The following AARSD1 variants were observed in gnomAD, a reference collection of about 807,000 sequenced individuals.
AARSD1 encodes alanyl-tRNA synthetase domain containing 1.
A neutral mutation model predicts 48.7 loss-of-function variants in AARSD1; 44 were observed. That is an observed-to-expected ratio of 0.90 (90% CI 0.71 to 1.16). The LOEUF (loss-of-function observed/expected upper bound fraction) is 1.16. Among genes scored for constraint, AARSD1 ranks in the 50% most tolerant of loss-of-function variants. The probability of loss-of-function intolerance (pLI) is 0.00; values close to 1 mark genes in which losing one functional copy is unlikely to be tolerated. For synonymous variants in AARSD1, 189 were observed against 194.9 expected (o/e 0.97, Z 0.25); for missense variants, 511 against 523.1 (o/e 0.98, Z 0.23).
intron 10 of AARSD1, 200 bp from the exon 11 acceptor site, chr17:42,952,094 A>G (rs2049487727): frequency 5.2e-6 from 3 of 579,364 alleles, no homozygotes; most frequent in Non-Finnish European, 9.1e-6. Context: ...ATGGGAACTT[A>G]GGTGAAACAT....
rs1262418451 is a variant in AARSD1, at chr17:42,950,671, C to A, written c.1161G>T (p.Lys387Asn). The A allele has an allele frequency of 6.2e-7, 1 of 1,613,888 alleles. No homozygotes were observed. Among genetic ancestry groups the A allele is most frequent in the African/African-American group, 1.3e-5 (1 of 74,880 alleles). ...CCATCCGCCGGCTCATCTTGGTGGC[C>A]TTGCCCTGAAAACGGCCTTTCTTCC... ...GAGKKGRFQG[K>N]ATKMSRRMEA... is the part of the protein sequence containing the mutation. The change falls in exon 12 of 12, where the codon AAG (lysine) becomes AAT (asparagine). Residue 387 changes from lysine (K) to asparagine (N), a missense_variant. Transcript: ENST00000427569.
chr17:42,956,620 C>T (rs1266926554), intron 4 of AARSD1, 60 bp from the exon 5 acceptor site: 5 of 1,317,212 alleles, frequency 3.8e-6, no homozygotes, highest in Non-Finnish European at 4.0e-6. Flanking sequence ...AAGCTGAAAG[C>T]TTTTCCTCTA....
At chr17:42,951,944 C>T (rs754338528) in intron 10 of AARSD1, 50 bp from the exon 11 acceptor site, 1 of 1,587,424 alleles carries the variant, frequency 6.3e-7, no homozygotes, top group Non-Finnish European at 8.6e-7. Context: ...GATGTAGAGT[C>T]AACCCCCCAA....
At position 42,961,292 on chromosome 17, in the gene AARSD1, T is replaced by A; in HGVS notation, c.231A>T (p.Glu77Asp). The part of the protein sequence containing the change: ...ISVLRVTRRG[E>D]QADHFTQTPL... ...GTGTCTGGGTGAAATGATCAGCCTG[T>A]TCCCCACGGCGAGTCACTCTCAGCA... The change falls in exon 3 of 12, where the codon GAA becomes GAT. Residue 77 changes from glutamate (E) to aspartate (D), a missense_variant. Coordinates refer to ENST00000427569, the MANE Select transcript of AARSD1 (RefSeq NM_001261434.2). 6.2e-7 allele frequency: 1 copy of A among 1,614,120 alleles called. No individual in the cohort carries two copies. The highest frequency in any genetic ancestry group is 1.1e-5 in the South Asian group (1 of 91,076).
At chr17:42,962,172 C>A in intron 2 of AARSD1, 1 of 257,786 alleles carries the variant, frequency 3.9e-6, no homozygotes, top group Non-Finnish European at 8.1e-6. Context: ...TGGTGGTGCA[C>A]ACCTGTAGTC....
chr17:42,963,987 A>G, intron 2 of AARSD1, 119 bp downstream of exon 2: 6 of 1,504,258 alleles, frequency 4.0e-6, no homozygotes, highest in Non-Finnish European at 4.4e-6. Context: ...ATGAATAACA[A>G]AATGAATTAA....
chr17:42,964,070 A>G (rs1381962436), intron 2 of AARSD1, 36 bp downstream of exon 2: 2 of 1,613,246 alleles, frequency 1.2e-6, no homozygotes, highest in Non-Finnish European at 1.7e-6. Context: ...AGCACAAAGA[A>G]ACTGGGGGCT....
At position 42,955,923 on chromosome 17, in the gene AARSD1, A is replaced by T; in HGVS notation, c.713T>A (p.Leu238Gln). The change falls in exon 7 of 12, where the codon CTG becomes CAG. Residue 238 changes from leucine to glutamine, a missense_variant. Coordinates refer to ENST00000427569, the MANE Select transcript of AARSD1 (RefSeq NM_001261434.2). The part of the protein sequence containing the change: ...TEKGKKNRTN[L>Q]IFLSGNRVLK... ...CACCCGGTTCCCAGACAGAAATATC[A>T]GGTTGGTTCTGTTCTTTTTCCCCTT... is the stretch of plus-strand genomic sequence containing the variant. The T allele has an allele frequency of 6.2e-7, 1 of 1,614,012 alleles. No homozygotes were observed. Among genetic ancestry groups the T allele is most frequent in the Non-Finnish European group, 8.5e-7 (1 of 1,179,988 alleles).
Position 42,955,969 on chromosome 17 carries a change from T to C in AARSD1, c.667A>G (p.Ile223Val), listed in dbSNP as rs538755701. ...CCCTTCTCAGTGCCCAGAATCTTAA[T>C]GACCTACATGAGGCAAGGGGGTAAC... The part of the protein sequence containing the change: ...HVSNLSDLQV[I>V]KILGTEKGKK... The change falls in exon 7 of 12, where the codon ATT becomes GTT. Residue 223 changes from isoleucine (I) to valine (V), a missense_variant. Ile to Val is a conservative substitution (Grantham distance 29). Coordinates refer to ENST00000427569, the MANE Select transcript of AARSD1 (RefSeq NM_001261434.2). The C allele has an allele frequency of 2.5e-6, 4 of 1,614,106 alleles. No homozygotes were observed. In the African/African-American group the frequency reaches 5.3e-5, roughly 22 times the overall value.
chr17:42,961,452 C>T, intron 2 of AARSD1, 101 bp from the exon 3 acceptor site: 2 of 1,546,132 alleles, frequency 1.3e-6, no homozygotes, highest in Non-Finnish European at 1.7e-6. Flanking sequence ...TCTGGGCTCC[C>T]TAAGGGAGAG....
rs763200135 is a variant in AARSD1, at chr17:42,955,215, T to C, written c.804A>G (p.Ala268=). 3 of 1,614,068 alleles carry C rather than the reference T, an allele frequency of 1.9e-6. No homozygotes were observed. The highest frequency in any genetic ancestry group is 2.5e-6 in the Non-Finnish European group (3 of 1,179,998). The stretch of plus-strand genomic sequence containing the variant: ...TTTTCACTGCTTCCACATGATCCTC[T>C]GCTCCACACCTGAAAGAGAAAGGTC... ...KALTALLKCG[A]EDHVEAVKKL... Residue 268 remains alanine (A), a synonymous_variant, in exon 8 of 12, where the codon GCA becomes GCG. Transcript: ENST00000427569.
chr17:42,958,514 T>TA (rs1352840706), intron 3 of AARSD1, among the ~76,000 whole-genome samples: 1 of 151,518 alleles, frequency 6.6e-6, no homozygotes, highest in African/African-American at 2.4e-5. Context: ...AAATAACAAA[T>TA]AAAATTAAAT....
At chr17:42,959,304 T>C (rs1872114862) in intron 3 of AARSD1, among the ~76,000 whole-genome samples, 1 of 149,742 alleles carries the variant, frequency 6.7e-6, no homozygotes, top group Non-Finnish European at 1.5e-5. Flanking sequence ...CTGCCACCTC[T>C]GGCTCCTGGG....
chr17:42,960,647 G>A (rs536960985), intron 3 of AARSD1, among the ~76,000 whole-genome samples: 3 of 149,826 alleles, frequency 2.0e-5, no homozygotes, highest in Admixed American at 6.7e-5. Flanking sequence ...GCTTGAACCC[G>A]AGAGGCAGAG....
chr17:42,950,687 C>G lies in AARSD1; in HGVS notation c.1145G>C (p.Gly382Ala). 1.2e-6 allele frequency: 2 copies of G among 1,613,972 alleles called. No individual in the cohort carries two copies. The highest frequency in any genetic ancestry group is 1.7e-6 in the Non-Finnish European group (2 of 1,180,004). The part of the protein sequence containing the change: ...VLEGKGAGKK[G>A]RFQGKATKMS... ...CTTGGTGGCCTTGCCCTGAAAACGG[C>G]CTTTCTTCCCTGCTCCTTTGCCTTC... The change falls in exon 12 of 12, where the codon GGC (glycine) becomes GCC (alanine). Residue 382 changes from glycine (G) to alanine (A), a missense_variant. By Grantham distance (60) the Gly-to-Ala change is moderately conservative (BLOSUM62 0). Coordinates refer to ENST00000427569, the MANE Select transcript of AARSD1 (RefSeq NM_001261434.2).
At position 42,955,940 on chromosome 17, in the gene AARSD1, T is replaced by C. The variant is rs190404056; in HGVS notation, c.696A>G (p.Lys232=). Residue 232 remains lysine, a synonymous_variant, in exon 7 of 12, where the codon AAA becomes AAG. Transcript: ENST00000427569. The part of the protein sequence containing the change: ...VIKILGTEKG[K]KNRTNLIFLS... ...GAAATATCAGGTTGGTTCTGTTCTT[T>C]TTCCCCTTCTCAGTGCCCAGAATCT... The C allele has an allele frequency of 6.2e-7, 1 of 1,614,124 alleles. No homozygotes were observed. Among genetic ancestry groups the C allele is most frequent in the African/African-American group, 1.3e-5 (1 of 75,020 alleles).
intron 3 of AARSD1, among the ~76,000 whole-genome samples, chr17:42,960,269 A>G (rs2049616357): frequency 6.7e-6 from 1 of 149,118 alleles, no homozygotes; most frequent in African/African-American, 2.5e-5. Flanking sequence ...CTCCAACTCA[A>G]AAAAAAAAAG....
Position 42,950,593 on chromosome 17 carries a change from TCA to T in AARSD1, c.1237_1238del (p.Ter413ArgfsTer3). The T allele has an allele frequency of 1.2e-6, 2 of 1,606,920 alleles. No individual in the cohort carries two copies. Among genetic ancestry groups the T allele is most frequent in the Non-Finnish European group, 1.7e-6 (2 of 1,175,954 alleles). The stretch of plus-strand genomic sequence containing the variant: ...AACAGGAGGTGAGTGCCCTAAGCCC[TCA>T]CTCCTTAGCACTCTGCGTGCTGATG... Reference protein sequence around the residue: ...DYISTQSAKE* With the variant: ...DYISTQSAKEX On this transcript the variant is annotated frameshift_variant and stop_lost, in exon 12 of 12. Transcript: ENST00000427569. LOFTEE classifies it high-confidence loss of function.
chr17:42,953,347 T>G (rs955235292), intron 10 of AARSD1, among the ~76,000 whole-genome samples: 3 of 152,044 alleles, frequency 2.0e-5, no homozygotes, highest in Admixed American at 2.0e-4. Context: ...TGATCTTAAG[T>G]GATCCACCCA....
Sources: gnomAD v4.1 joint callset for allele counts (sites outside exome capture counted in the v4.1 genomes callset) on GRCh38, gnomAD v4.1.1 for gene constraint, MANE v1.5 for transcripts, NCBI Gene and HGNC (gene_info 2026-07-23, HGNC 2026-07-21) for gene names.